The following DNAJC6 variants were observed in gnomAD, a reference collection of about 807,000 sequenced individuals.
DNAJC6 encodes the protein auxilin.
Under a neutral mutation model 110.0 loss-of-function variants are expected in DNAJC6, and 34 were observed. The observed-to-expected ratio is 0.31, with a 90% confidence interval of 0.24 to 0.41. The LOEUF is 0.41. Ranked by LOEUF, DNAJC6 falls within the 10% of genes least tolerant of loss-of-function variation. The probability of loss-of-function intolerance (pLI) is 1.00; values close to 1 mark genes in which losing one functional copy is unlikely to be tolerated. For missense variants in DNAJC6, 1,031 were observed against 1,207.8 expected (o/e 0.85, Z 2.17); for synonymous variants, 406 against 437.2 (o/e 0.93, Z 0.89).
At position 65,411,236 on chromosome 1, in the gene DNAJC6, C is replaced by G. The variant is rs1646126051; in HGVS notation, c.2635-14C>G. The G allele has an allele frequency of 1.2e-6, 2 of 1,608,594 alleles. No individual in the cohort carries two copies. Among genetic ancestry groups the G allele is most frequent in the African/African-American group, 2.7e-5 (2 of 74,890 alleles). On this transcript the variant is annotated splice_polypyrimidine_tract_variant and intron_variant, in intron 17 of 18. Transcript: ENST00000371069. Reference sequence around the variant, plus strand: ...GTAAGCATTTGAATTTCTTAATCCCCTTTGTGTTTACAGATTCTGGAATGG... The same window carrying G: ...GTAAGCATTTGAATTTCTTAATCCCGTTTGTGTTTACAGATTCTGGAATGG...
At chr1:65,319,874 C>T (rs1162620665) in intron 1 of DNAJC6, among the ~76,000 whole-genome samples, 1 of 152,040 alleles carries the variant, frequency 6.6e-6, no homozygotes, top group African/African-American at 2.4e-5. Context: ...TTCCTTATCC[C>T]TCTCTCTTCT....
At chr1:65,356,248 G>A (rs1645542338) in intron 1 of DNAJC6, among the ~76,000 whole-genome samples, 1 of 152,014 alleles carries the variant, frequency 6.6e-6, no homozygotes, top group Non-Finnish European at 1.5e-5. Flanking sequence ...TTGGAATCAT[G>A]TACTATGAGT....
In DNAJC6 at chr1:65,337,882, A is replaced by G. The variant is rs139663121; in HGVS notation, c.194-26753A>G. ...TATATAGAGGGACATCAGTATTCTT[A>G]CTAATGACTAAATGGACCATCTTTG... is the stretch of plus-strand genomic sequence containing the variant. On this transcript the variant is annotated intron_variant, in intron 1 of 18. Transcript: ENST00000371069. 5.8e-3 allele frequency among the ~76,000 whole-genome samples: 878 copies of G among 152,290 alleles called. 6 individuals carry two copies. Among genetic ancestry groups the G allele is most frequent in the African/African-American group, 0.02 (841 of 41,560 alleles).
chr1:65,319,775 ATTC>A (rs1424329350), intron 1 of DNAJC6, among the ~76,000 whole-genome samples: 1 of 152,020 alleles, frequency 6.6e-6, no homozygotes, highest in Non-Finnish European at 1.5e-5. Flanking sequence ...CCTGATCCTT[ATTC>A]TTATTTTAGT....
In DNAJC6 at chr1:65,309,914, C is replaced by T; in HGVS notation, c.169C>T (p.Arg57Cys). The change falls in exon 1 of 19, where the codon CGC (arginine) becomes TGC (cysteine). Residue 57 changes from arginine (R) to cysteine (C), a missense_variant. By Grantham distance (180) the Arg-to-Cys change is radical. Coordinates refer to ENST00000371069, the MANE Select transcript of DNAJC6 (RefSeq NM_001256864.2). The part of the protein sequence containing the change: ...ARSPARQPPD[R>C]ASTMDSSGAS... ...GAGTCCCGCCCGACAGCCTCCGGAC[C>T]GCGCCAGCACCATGGACAGCTCAGG... 2.6e-6 allele frequency: 4 copies of T among 1,531,034 alleles called. No individual in the cohort carries two copies. Among genetic ancestry groups the T allele is most frequent in the Non-Finnish European group, 3.5e-6 (4 of 1,137,252 alleles). The allele number at this position is 1,531,034 out of a possible 1,614,324, so 94.8% of individuals were successfully genotyped here. A position where few individuals can be genotyped will look rare whatever the true frequency, so the allele number is the denominator to read the frequency against.
chr1:65,334,953 T>C (rs1028622653), intron 1 of DNAJC6, among the ~76,000 whole-genome samples: 6 of 152,242 alleles, frequency 3.9e-5, no homozygotes, highest in Non-Finnish European at 7.3e-5. Flanking sequence ...AAGCATTCCA[T>C]AATGTGCTTG....
intron 4 of DNAJC6, among the ~76,000 whole-genome samples, chr1:65,371,946 G>A (rs1319259857): frequency 4.6e-5 from 7 of 152,060 alleles, no homozygotes; most frequent in African/African-American, 1.7e-4. Context: ...TTTAGACAGA[G>A]CACATGCTTT....
At chr1:65,364,918 A>G in intron 2 of DNAJC6, 133 bp downstream of exon 2, 1 of 1,275,180 alleles carries the variant, frequency 7.8e-7, no homozygotes, top group Non-Finnish European at 1.1e-6. Context: ...TGAACTGAGA[A>G]ATGTCATTGA....
At position 65,317,364 on chromosome 1, in the gene DNAJC6, A is replaced by G. The variant is rs1049316125; in HGVS notation, c.193+7426A>G. On this transcript the variant is annotated intron_variant, in intron 1 of 18. Transcript: ENST00000371069. ...GAGGAGAAGTTCTTCACGGTCCAAG[A>G]AATTAGGAAGTTCCATAACATGTGC... Among the ~76,000 whole-genome samples, 6 of 152,364 alleles carry G rather than the reference A, an allele frequency of 3.9e-5. No individual in the cohort carries two copies. The East Asian group carries it at 1.2e-3, about 29-fold the overall frequency.
chr1:65,318,168 G>T (rs939540785), intron 1 of DNAJC6, among the ~76,000 whole-genome samples: 1 of 152,032 alleles, frequency 6.6e-6, no homozygotes, highest in Admixed American at 6.5e-5. Flanking sequence ...TATCTACTAG[G>T]CACAGTGTCT....
intron 5 of DNAJC6, among the ~76,000 whole-genome samples, chr1:65,381,065 C>T (rs1264201136): frequency 8.0e-5 from 12 of 150,884 alleles, no homozygotes; most frequent in African/African-American, 2.2e-4. Flanking sequence ...ACTACAGGCA[C>T]GCACCACCAC....
At chr1:65,412,525 GA>G (rs1207338200) in intron 18 of DNAJC6, among the ~76,000 whole-genome samples, 1 of 152,184 alleles carries the variant, frequency 6.6e-6, no homozygotes, top group African/African-American at 2.4e-5. Context: ...CAAGAGCCCA[GA>G]AAAATCCACA....
intron 1 of DNAJC6, among the ~76,000 whole-genome samples, chr1:65,282,729 G>C (rs1455978474): frequency 6.6e-6 from 1 of 152,176 alleles, no homozygotes; most frequent in African/African-American, 2.4e-5. Context: ...GTATAAGGAA[G>C]TCACCTGCAG....
intron 1 of DNAJC6, among the ~76,000 whole-genome samples, chr1:65,355,882 CTTTTTTTTTTT>C (rs372078909): frequency 2.4e-5 from 2 of 82,846 alleles, no homozygotes; most frequent in African/African-American, 9.6e-5. Flanking sequence ...AACAGCATGG[CTTTTTTTTTTT>C]TTTTTTTTTT....
chr1:65,281,409 T>C (rs1653838927), intron 1 of DNAJC6, among the ~76,000 whole-genome samples: 1 of 152,180 alleles, frequency 6.6e-6, no homozygotes, highest in African/African-American at 2.4e-5. Context: ...AAACCATTAA[T>C]AGTCGCTCCC....
At position 65,386,948 on chromosome 1, in the gene DNAJC6, T is replaced by G. The variant is rs775051076; in HGVS notation, c.1113+19T>G. The G allele has an allele frequency of 4.4e-6, 7 of 1,593,286 alleles. No homozygotes were observed. The East Asian group carries it at 1.3e-4, about 30-fold the overall frequency. On this transcript the variant is annotated intron_variant, in intron 8 of 18. Coordinates refer to ENST00000371069, the MANE Select transcript of DNAJC6 (RefSeq NM_001256864.2). ...GGCTAAGGTATGGTTTTTGGAAGAA[T>G]CATGGCATAAGTTCATCTGAGTCTT...
chr1:65,268,971 C>T (rs1653422292), intron 1 of DNAJC6, among the ~76,000 whole-genome samples: 2 of 152,014 alleles, frequency 1.3e-5, no homozygotes, highest in African/African-American at 4.8e-5. Flanking sequence ...GAAAATAGTT[C>T]TCATTCCAAT....
chr1:65,336,629 A>G (rs1026496059), intron 1 of DNAJC6, among the ~76,000 whole-genome samples: 1 of 152,198 alleles, frequency 6.6e-6, no homozygotes, highest in Non-Finnish European at 1.5e-5. Context: ...GATCCCAGCC[A>G]TAATGTCATT....
At position 65,364,668 on chromosome 1, in the gene DNAJC6, G is replaced by A; in HGVS notation, c.227G>A (p.Gly76Glu). ...ASSPDMEPSY[G>E]GGLFDMVKGG... ...TCTCCAGACATGGAGCCCAGCTATG[G>A]GGGAGGTCTCTTTGACATGGTAAAA... is the stretch of plus-strand genomic sequence containing the variant. Residue 76 changes from glycine (G) to glutamate (E), a missense_variant, in exon 2 of 19, where the codon GGG becomes GAG. Coordinates refer to ENST00000371069, the MANE Select transcript of DNAJC6 (RefSeq NM_001256864.2). The A allele has an allele frequency of 1.2e-6, 2 of 1,612,622 alleles. No individual in the cohort carries two copies. Among genetic ancestry groups the A allele is most frequent in the East Asian group, 2.2e-5 (1 of 44,836 alleles).
Sources: gnomAD v4.1 joint callset for allele counts (sites outside exome capture counted in the v4.1 genomes callset) on GRCh38, gnomAD v4.1.1 for gene constraint, MANE v1.5 for transcripts, NCBI Gene and HGNC (gene_info 2026-07-23, HGNC 2026-07-21) for gene names.